The following BMP2K variants were observed in gnomAD, a reference collection of about 807,000 sequenced individuals.
The protein encoded by BMP2K is BMP2 inducible kinase, also known as BMP-2-inducible protein kinase.
Under a neutral mutation model 116.0 loss-of-function variants are expected in BMP2K, and 74 were observed. The observed-to-expected ratio is 0.64, with a 90% CI of 0.53 to 0.77. The LOEUF is 0.77. Ranked by LOEUF, BMP2K falls within the 30% of genes least tolerant of loss-of-function variation. BMP2K has a pLI of 0.00. For synonymous variants in BMP2K, 486 were observed against 502.5 expected (o/e 0.97, Z 0.44); for missense variants, 1,365 against 1,403.6 (o/e 0.97, Z 0.44).
chr4:78,896,039 G>A (rs1196669005), intron 15 of BMP2K, among the ~76,000 whole-genome samples: 1 of 152,190 alleles, frequency 6.6e-6, no homozygotes, highest in Non-Finnish European at 1.5e-5. Context: ...GATTACAGGC[G>A]TGAGCCATCC....
intron 1 of BMP2K, among the ~76,000 whole-genome samples, chr4:78,825,197 T>TTTAAA (rs1729811941): frequency 6.6e-6 from 1 of 151,976 alleles, no homozygotes; most frequent in Non-Finnish European, 1.5e-5. Context: ...AGAGTGAAAC[T>TTTAAA]CCATCTCAAA....
At chr4:78,811,268 G>A (rs1387249752) in intron 1 of BMP2K, among the ~76,000 whole-genome samples, 1 of 152,200 alleles carries the variant, frequency 6.6e-6, no homozygotes, top group Non-Finnish European at 1.5e-5. Context: ...TTGTTAACAT[G>A]AATTACAAAT....
chr4:78,786,216 G>A (rs928119851), intron 1 of BMP2K, among the ~76,000 whole-genome samples: 2 of 152,078 alleles, frequency 1.3e-5, no homozygotes, highest in Admixed American at 1.3e-4. Context: ...CCTCATGAAT[G>A]GAATTAATGC....
intron 1 of BMP2K, among the ~76,000 whole-genome samples, chr4:78,783,436 A>G (rs1244065789): frequency 6.6e-6 from 1 of 152,224 alleles, no homozygotes; most frequent in African/African-American, 2.4e-5. Context: ...TACTGACACT[A>G]AAACAATTAT....
intron 1 of BMP2K, among the ~76,000 whole-genome samples, chr4:78,779,105 ATTAG>A (rs1727384445): frequency 2.0e-5 from 3 of 152,278 alleles, no homozygotes; most frequent in Middle Eastern, 3.4e-3. Context: ...TTTTTATATA[ATTAG>A]TTATGTTGCA....
Position 78,893,197 on chromosome 4 carries a change from G to C in BMP2K, c.2062+5913G>C, listed in dbSNP as rs111746577. Among the ~76,000 whole-genome samples, 53 of 152,314 alleles carry C rather than the reference G, an allele frequency of 3.5e-4. 1 individual carries two copies. Among genetic ancestry groups the C allele is most frequent in the African/African-American group, 1.2e-3 (50 of 41,576 alleles). ...GTTCACAGCATCTTCACCAGGAACA[G>C]ATTCCATCTCAAGAAACCACTTCTT... On this transcript the variant is annotated intron_variant, in intron 15 of 15. Coordinates refer to ENST00000502613, the MANE Select transcript of BMP2K (RefSeq NM_198892.2).
chr4:78,836,340 C>T (rs903171726), intron 3 of BMP2K, among the ~76,000 whole-genome samples: 5 of 151,546 alleles, frequency 3.3e-5, no homozygotes, highest in Admixed American at 1.3e-4. Context: ...TGGCGTGAAC[C>T]GGGGAGGTGG....
intron 15 of BMP2K, among the ~76,000 whole-genome samples, chr4:78,905,926 C>T (rs1734260227): frequency 6.6e-6 from 1 of 151,960 alleles, no homozygotes; most frequent in Non-Finnish European, 1.5e-5. Context: ...ATAGTTATAA[C>T]CAACTTTATA....
chr4:78,904,319 G>C (rs1331579634), intron 15 of BMP2K, among the ~76,000 whole-genome samples: 1 of 151,834 alleles, frequency 6.6e-6, no homozygotes. Context: ...AGGGAGATAA[G>C]AGGTAATATA....
At chr4:78,847,545 T>A (rs1452658195) in intron 6 of BMP2K, among the ~76,000 whole-genome samples, 2 of 151,628 alleles carry the variant, frequency 1.3e-5, no homozygotes, top group East Asian at 3.9e-4. Flanking sequence ...TATATATGAG[T>A]GTTAACATTT....
At chr4:78,896,048 C>T (rs949771441) in intron 15 of BMP2K, among the ~76,000 whole-genome samples, 1 of 152,206 alleles carries the variant, frequency 6.6e-6, no homozygotes, top group Non-Finnish European at 1.5e-5. Context: ...CGTGAGCCAT[C>T]CTGCCAAGTC....
intron 1 of BMP2K, among the ~76,000 whole-genome samples, chr4:78,789,287 C>T (rs796160559): frequency 6.6e-6 from 1 of 152,258 alleles, no homozygotes; most frequent in African/African-American, 2.4e-5. Context: ...ACTTAGTTCT[C>T]GTGACCAGCA....
At position 78,871,915 on chromosome 4, in the gene BMP2K, A is replaced by G. The variant is rs759228887; in HGVS notation, c.1575A>G (p.Gln525=). The change falls in exon 12 of 16, where the codon CAA becomes CAG. Residue 525 remains glutamine, a synonymous_variant. Coordinates refer to ENST00000502613, the MANE Select transcript of BMP2K (RefSeq NM_198892.2). ...AATTTTTAATGCATTCGGTATATCA[A>G]CCACAACCTTCTGCATCACAGTATC... is the stretch of plus-strand genomic sequence containing the variant. ...QQQFLMHSVY[Q]PQPSASQYPT... 13 of 1,612,512 alleles carry G rather than the reference A, an allele frequency of 8.1e-6. No individual in the cohort carries two copies. The highest frequency in any genetic ancestry group is 6.7e-5 in the African/African-American group (5 of 74,988).
chr4:78,868,784 C>G (rs1423969752), intron 10 of BMP2K, among the ~76,000 whole-genome samples: 3 of 152,196 alleles, frequency 2.0e-5, no homozygotes, highest in African/African-American at 7.2e-5. Flanking sequence ...TCTCCTGTGA[C>G]TCCAGGTCTC....
At chr4:78,853,601 T>C (rs1731361900) in intron 7 of BMP2K, among the ~76,000 whole-genome samples, 1 of 152,112 alleles carries the variant, frequency 6.6e-6, no homozygotes, top group Non-Finnish European at 1.5e-5. Flanking sequence ...GTCTTTTGGC[T>C]CCTGTGTTGT....
At chr4:78,803,245 C>A (rs1430178383) in intron 1 of BMP2K, among the ~76,000 whole-genome samples, 1 of 152,058 alleles carries the variant, frequency 6.6e-6, no homozygotes, top group African/African-American at 2.4e-5. Flanking sequence ...TATATATACC[C>A]CCCTCCTTTT....
intron 2 of BMP2K, among the ~76,000 whole-genome samples, chr4:78,828,218 A>C (rs1038383438): frequency 6.6e-6 from 1 of 152,182 alleles, no homozygotes; most frequent in Non-Finnish European, 1.5e-5. Context: ...TGCTCTTTAG[A>C]TTCTATTAAT....
At position 78,915,437 on chromosome 4, in the gene BMP2K, ATATT is replaced by A. The variant is rs985994596; in HGVS notation, c.*3407_*3410del. 15 of 151,964 alleles carry A rather than the reference ATATT, an allele frequency of 9.9e-5. No individual in the cohort carries two copies. The highest frequency in any genetic ancestry group is 3.6e-4 in the African/African-American group (15 of 41,516). 9.4% of individuals were successfully genotyped at this position (151,964 alleles called of 1,614,324 possible). On this transcript the variant is annotated 3_prime_UTR_variant, in exon 16 of 16. Coordinates refer to ENST00000502613, the MANE Select transcript of BMP2K (RefSeq NM_198892.2). ...GCGCTTGGGTACATTTGTTTTTAAT[ATATT>A]TAGAATGTGCAGTAAACTTTTTTCT...
At chr4:78,869,684 A>G (rs1380511815) in intron 10 of BMP2K, among the ~76,000 whole-genome samples, 1 of 152,216 alleles carries the variant, frequency 6.6e-6, no homozygotes, top group African/African-American at 2.4e-5. Context: ...TTCAAGGTGA[A>G]TGATTTTTGA....
Sources: gnomAD v4.1 joint callset for allele counts (sites outside exome capture counted in the v4.1 genomes callset) on GRCh38, gnomAD v4.1.1 for gene constraint, MANE v1.5 for transcripts, NCBI Gene and HGNC (gene_info 2026-07-23, HGNC 2026-07-21) for gene names.